SLC30A6: variants seen among roughly 807,000 people sequenced by gnomAD.
SLC30A6 encodes the protein solute carrier family 30 member 6.
SLC30A6 carries 55 observed loss-of-function variants against 63.0 expected under a neutral mutation model. The observed-to-expected ratio is 0.87, with a 90% confidence interval of 0.70 to 1.09. The LOEUF is 1.09. Among genes scored for constraint, SLC30A6 ranks in the 50% least tolerant of loss-of-function variants. The probability of loss-of-function intolerance (pLI) is 0.00; values close to 1 mark genes in which losing one functional copy is unlikely to be tolerated. For synonymous variants in SLC30A6, 224 were observed against 186.1 expected (o/e 1.20, Z -1.66); for missense variants, 587 against 549.2 (o/e 1.07, Z -0.69).
chr2:32,210,688 TATAG>T (rs1259984146), intron 13 of SLC30A6, among the ~76,000 whole-genome samples: 1 of 152,086 alleles, frequency 6.6e-6, no homozygotes, highest in Non-Finnish European at 1.5e-5. Context: ...ACACAAATTT[TATAG>T]ATAAACAGAT....
At position 32,202,791 on chromosome 2, in the gene SLC30A6, C is replaced by T. The variant is rs139654971; in HGVS notation, c.666-1799C>T. On this transcript the variant is annotated intron_variant, in intron 10 of 13. Coordinates refer to ENST00000282587, the MANE Select transcript of SLC30A6 (RefSeq NM_017964.5). ...TTTACTTTTTTCTGCAGCTCGCCCA[C>T]AGTGGGTATGCAAAGTTGCAAAAAA... 758 of 738,962 alleles carry T rather than the reference C, an allele frequency of 1.0e-3. 4 individuals are homozygous for T. In the African/African-American group the frequency reaches 0.012, roughly 12 times the overall value. The allele number at this position is 738,962 out of a possible 1,614,324, so 45.8% of individuals were successfully genotyped here.
chr2:32,200,853 A>G (rs1487349149), intron 10 of SLC30A6, among the ~76,000 whole-genome samples: 9 of 152,014 alleles, frequency 5.9e-5, no homozygotes, highest in Non-Finnish European at 8.8e-5. Context: ...AATAATAATA[A>G]TAATAAAACC....
chr2:32,215,543 T>G (rs1394856450), intron 13 of SLC30A6, among the ~76,000 whole-genome samples: 3 of 147,904 alleles, frequency 2.0e-5, no homozygotes, highest in Non-Finnish European at 4.5e-5. Flanking sequence ...AAGTTCTTAT[T>G]AGGCAAATAG....
In SLC30A6 at chr2:32,221,875, TTTCA is replaced by T. The variant is rs1273208391; in HGVS notation, c.*1169_*1172del. On this transcript the variant is annotated 3_prime_UTR_variant, in exon 14 of 14. Transcript: ENST00000282587. ...AATGAATTTATCTTTCCTGACACAT[TTTCA>T]TTCATTGGCTTTTTAATTTCTTATT... The T allele has an allele frequency of 2.0e-5, 3 of 152,186 alleles. No homozygotes were observed. Among genetic ancestry groups the T allele is most frequent in the Non-Finnish European group, 4.4e-5 (3 of 68,038 alleles). 9.4% of individuals were successfully genotyped at this position (152,186 alleles called of 1,614,324 possible). A position where few individuals can be genotyped will look rare whatever the true frequency, so the allele number is the denominator to read the frequency against.
rs140662680 is a variant in SLC30A6, at chr2:32,190,930, G to A, written c.285-1406G>A. 1.3e-3 allele frequency among the ~76,000 whole-genome samples: 191 copies of A among 152,202 alleles called. 1 individual carries two copies. The highest frequency in any genetic ancestry group is 2.4e-3 in the Non-Finnish European group (163 of 68,012). ...GAGTCACCGCGCCTGGCTCTTTACT[G>A]CTTTTATGTGCCACATTTTTCACAA... On this transcript the variant is annotated intron_variant, in intron 5 of 13. Coordinates refer to ENST00000282587, the MANE Select transcript of SLC30A6 (RefSeq NM_017964.5).
intron 12 of SLC30A6, among the ~76,000 whole-genome samples, chr2:32,209,207 A>G (rs1685044317): frequency 6.6e-6 from 1 of 152,246 alleles, no homozygotes; most frequent in Non-Finnish European, 1.5e-5. Flanking sequence ...AAAGAACCAT[A>G]CACTGTTGAA....
At chr2:32,203,732 A>C (rs936342324) in intron 10 of SLC30A6, 3 of 1,526,224 alleles carry the variant, frequency 2.0e-6, no homozygotes, top group Admixed American at 1.7e-5. Flanking sequence ...GAAAGGTTAC[A>C]GGCAGAGTGG....
chr2:32,179,751 G>T (rs1682118951), intron 4 of SLC30A6, among the ~76,000 whole-genome samples: 1 of 152,074 alleles, frequency 6.6e-6, no homozygotes, highest in African/African-American at 2.4e-5. Context: ...ATACGTACAT[G>T]TATACACATC....
At chr2:32,172,511 G>T (rs547586475) in intron 2 of SLC30A6, among the ~76,000 whole-genome samples, 11 of 152,070 alleles carry the variant, frequency 7.2e-5, no homozygotes, top group African/African-American at 2.4e-4. Context: ...ACCACTCCCA[G>T]CTAGTATCAT....
chr2:32,173,714 A>G (rs567376866), intron 2 of SLC30A6, among the ~76,000 whole-genome samples: 3 of 152,094 alleles, frequency 2.0e-5, no homozygotes, highest in Non-Finnish European at 4.4e-5. Context: ...CAGATTCACC[A>G]GTTGCTTACA....
intron 13 of SLC30A6, among the ~76,000 whole-genome samples, chr2:32,213,827 G>T (rs1170792559): frequency 3.7e-5 from 4 of 109,386 alleles, no homozygotes; most frequent in Non-Finnish European, 3.4e-5. Context: ...GTTTTGAGAC[G>T]GAGTCTCACA....
chr2:32,207,835 G>A (rs540178366), intron 12 of SLC30A6, among the ~76,000 whole-genome samples: 1 of 150,478 alleles, frequency 6.6e-6, no homozygotes, highest in South Asian at 2.1e-4. Context: ...CAAGCAGCTG[G>A]GATTATAGGC....
intron 4 of SLC30A6, among the ~76,000 whole-genome samples, chr2:32,178,170 A>G (rs965410299): frequency 1.3e-5 from 2 of 149,986 alleles, no homozygotes; most frequent in African/African-American, 4.9e-5. Flanking sequence ...GATGGTCTCA[A>G]TCTCCTGACC....
At chr2:32,210,877 C>G (rs1294688554) in intron 13 of SLC30A6, among the ~76,000 whole-genome samples, 2 of 152,102 alleles carry the variant, frequency 1.3e-5, no homozygotes, top group African/African-American at 4.8e-5. Context: ...TGTAACATCC[C>G]CTCCCTCCTT....
chr2:32,217,549 C>CT (rs1558431352), intron 13 of SLC30A6, among the ~76,000 whole-genome samples: 1 of 152,048 alleles, frequency 6.6e-6, no homozygotes, highest in Non-Finnish European at 1.5e-5. Flanking sequence ...TATTTGGGCT[C>CT]TTTTTTGGTT....
Position 32,201,338 on chromosome 2 carries a change from G to A in SLC30A6, c.666-3252G>A, listed in dbSNP as rs73922708. On this transcript the variant is annotated intron_variant, in intron 10 of 13. Coordinates refer to ENST00000282587, the MANE Select transcript of SLC30A6 (RefSeq NM_017964.5). ...GTTTGAATTGTTGATGTTGACTACA[G>A]TGTTACCATAAAAAATTCCTGGAGA... Among the ~76,000 whole-genome samples the A allele has an allele frequency of 7.3e-3, 1,107 of 152,320 alleles. 8 individuals carry two copies. The highest frequency in any genetic ancestry group is 0.025 in the African/African-American group (1,047 of 41,560).
intron 10 of SLC30A6, chr2:32,201,551 G>C: frequency 9.6e-7 from 1 of 1,041,842 alleles, no homozygotes. Flanking sequence ...TTTGCTGCAT[G>C]TAGGTGGTTG....
At chr2:32,186,702 AAATT>A (rs1156458379) in intron 5 of SLC30A6, among the ~76,000 whole-genome samples, 4 of 151,332 alleles carry the variant, frequency 2.6e-5, no homozygotes, top group Non-Finnish European at 1.5e-5. Flanking sequence ...AAAAAAAAAA[AAATT>A]AGTTTGGGGA....
intron 1 of SLC30A6, among the ~76,000 whole-genome samples, chr2:32,170,881 G>A (rs1191638097): frequency 6.6e-6 from 1 of 152,232 alleles, no homozygotes; most frequent in Non-Finnish European, 1.5e-5. Context: ...TTACAGGCAT[G>A]AGCCCCAAGC....
Sources: allele counts gnomAD v4.1 joint callset (sites outside exome capture counted in the v4.1 genomes callset), GRCh38; gene constraint gnomAD v4.1.1; transcripts MANE v1.5; gene names NCBI Gene and HGNC (gene_info 2026-07-23, HGNC 2026-07-21).